VPS26C: variants seen among roughly 807,000 people sequenced by gnomAD.
The protein encoded by VPS26C is vacuolar protein sorting-associated protein 26C.
Under a neutral mutation model 30.6 loss-of-function variants are expected in VPS26C, and 19 were observed. That is an observed-to-expected ratio of 0.62 (90% confidence interval 0.43 to 0.91). The LOEUF is 0.91. Ranked by LOEUF, VPS26C falls within the 40% of genes least tolerant of loss-of-function variation. The probability of loss-of-function intolerance (pLI) is 0.00; values close to 1 mark genes in which losing one functional copy is unlikely to be tolerated. For missense variants in VPS26C, 318 were observed against 385.1 expected (o/e 0.83, Z 1.46); for synonymous variants, 132 against 151.5 (o/e 0.87, Z 0.95).
At chr21:37,254,688 G>A (rs1195992428) in intron 1 of VPS26C, among the ~76,000 whole-genome samples, 3 of 152,098 alleles carry the variant, frequency 2.0e-5, no homozygotes, top group South Asian at 2.1e-4. Flanking sequence ...GCGGGCACCT[G>A]TAATCCCAGC....
At chr21:37,227,907 G>A in intron 6 of VPS26C, 101 bp from the exon 7 acceptor site, 4 of 1,482,190 alleles carry the variant, frequency 2.7e-6, no homozygotes, top group Non-Finnish European at 3.7e-6. Flanking sequence ...GAATCCTCCA[G>A]GGTCCCCTCC....
At chr21:37,264,406 G>A (rs147033185) in intron 1 of VPS26C, among the ~76,000 whole-genome samples, 1 of 152,324 alleles carries the variant, frequency 6.6e-6, no homozygotes, top group East Asian at 1.9e-4. Context: ...GGTCCTGGCT[G>A]TGTATGACTT....
intron 1 of VPS26C, among the ~76,000 whole-genome samples, chr21:37,253,636 A>G (rs2086215372): frequency 6.6e-6 from 1 of 152,222 alleles, no homozygotes; most frequent in African/African-American, 2.4e-5. Context: ...AATTCTAATC[A>G]TGGTGTGTTG....
intron 1 of VPS26C, among the ~76,000 whole-genome samples, chr21:37,245,322 G>A (rs79999647): frequency 0.026 from 3,997 of 152,210 alleles, 66 homozygotes; most frequent in Non-Finnish European, 0.04. Flanking sequence ...AGGGGGACCC[G>A]CCCTCTCCTT....
At chr21:37,245,817 G>A (rs2086132992) in intron 1 of VPS26C, among the ~76,000 whole-genome samples, 1 of 152,106 alleles carries the variant, frequency 6.6e-6, no homozygotes, top group Non-Finnish European at 1.5e-5. Flanking sequence ...TATAAAGGAT[G>A]AACACAAAAC....
chr21:37,267,291 C>G lies in VPS26C; in HGVS notation c.4G>C (p.Gly2Arg), dbSNP rs754690709. The change falls in exon 1 of 8, where the codon GGG becomes CGG. Residue 2 changes from glycine to arginine, a missense_variant. Gly to Arg is a moderately radical substitution (Grantham distance 125). Transcript: ENST00000309117. Reference protein sequence around the residue: MGTALDIKIKRA... With the variant: MRTALDIKIKRA... ...TTAATCTTGATGTCCAGGGCGGTCC[C>G]CATCTCCAATTCTCCGCAGCAGCCG... 15 of 1,612,436 alleles carry G rather than the reference C, an allele frequency of 9.3e-6. No individual in the cohort carries two copies. The South Asian group carries it at 1.4e-4, about 15-fold the overall frequency.
intron 2 of VPS26C, 98 bp downstream of exon 2, chr21:37,240,398 T>C (rs1422375301): frequency 1.4e-6 from 2 of 1,392,852 alleles, no homozygotes; most frequent in South Asian, 1.3e-5. Flanking sequence ...TTACTGAGAT[T>C]ACAGGCCTGA....
intron 7 of VPS26C, 43 bp from the exon 8 acceptor site, chr21:37,225,669 A>G: frequency 6.5e-7 from 1 of 1,546,508 alleles, no homozygotes; most frequent in Non-Finnish European, 8.9e-7. Flanking sequence ...ACTGTTACCA[A>G]GCAGCGAAAC....
intron 1 of VPS26C, among the ~76,000 whole-genome samples, chr21:37,248,265 C>A (rs1381273960): frequency 7.1e-6 from 1 of 141,674 alleles, no homozygotes; most frequent in African/African-American, 2.7e-5. Context: ...ATGCTCTTTT[C>A]AGTGTCCATG....
intron 3 of VPS26C, among the ~76,000 whole-genome samples, chr21:37,238,025 C>T (rs186768492): frequency 6.6e-6 from 1 of 152,336 alleles, no homozygotes; most frequent in African/African-American, 2.4e-5. Flanking sequence ...TCCACTTCCC[C>T]TCATTGACAA....
At chr21:37,231,111 T>C (rs1190722081) in intron 5 of VPS26C, among the ~76,000 whole-genome samples, 3 of 152,162 alleles carry the variant, frequency 2.0e-5, no homozygotes, top group African/African-American at 7.2e-5. Flanking sequence ...GGGCTAAGGA[T>C]ACAGCCTCTA....
Position 37,240,639 on chromosome 21 carries a change from C to T in VPS26C, c.58G>A (p.Glu20Lys), listed in dbSNP as rs1224432865. The change falls in exon 2 of 8, where the codon GAA becomes AAA. Residue 20 changes from glutamate (E) to lysine (K), a missense_variant and splice_region_variant. Glu to Lys is a moderately conservative substitution (Grantham distance 56). Transcript: ENST00000309117. ...ATGACCACCACGCCAGAGAGCACTT[C>T]CTGGGAGAGAAAAGACAGCCACCAA... ...KRANKVYHAG[E>K]VLSGVVVISS... The T allele has an allele frequency of 1.9e-6, 3 of 1,610,760 alleles. No individual in the cohort carries two copies. The highest frequency in any genetic ancestry group is 1.7e-6 in the Non-Finnish European group (2 of 1,178,972).
rs915993454 is a variant in VPS26C at position 37,233,796 on chromosome 21, G to A, written c.352-354C>T. 3.9e-5 allele frequency among the ~76,000 whole-genome samples: 6 copies of A among 152,152 alleles called. No homozygotes were observed. Among genetic ancestry groups the A allele is most frequent in the Admixed American group, 2.0e-4 (3 of 15,284 alleles). ...AGGAGCAGACGCCAGGCCAGATCCC[G>A]TTGTTGTCTGCCTTACTGTGCGAGC... On this transcript the variant is annotated intron_variant, in intron 3 of 7. Coordinates refer to ENST00000309117, the MANE Select transcript of VPS26C (RefSeq NM_006052.2). The surrounding 1 kb of genome is among the most constrained non-coding windows in gnomAD (Gnocchi z 5.2).
At chr21:37,267,525 T>C (rs530957755), upstream of VPS26C, 7 of 573,946 alleles carry the variant, frequency 1.2e-5, no homozygotes, top group Admixed American at 2.0e-4. Context: ...GCTGTCACGG[T>C]TCACCCCGCC....
At chr21:37,231,160 T>C (rs2085958493) in intron 5 of VPS26C, among the ~76,000 whole-genome samples, 1 of 152,078 alleles carries the variant, frequency 6.6e-6, no homozygotes, top group Non-Finnish European at 1.5e-5. Context: ...TTTGTAAATG[T>C]AAACTGACAA....
In VPS26C at chr21:37,267,224, C is replaced by CCCCCCCCAA; in HGVS notation, c.57+13_57+14insTTGGGGGGG. 6.5e-7 allele frequency: 1 copy of CCCCCCCCAA among 1,541,554 alleles called. No individual in the cohort carries two copies. The highest frequency in any genetic ancestry group is 8.9e-7 in the Non-Finnish European group (1 of 1,118,032). ...CCAACCCCACCTCCATCCCCACCCC[C>CCCCCCCCAA]AGCCCCCACTTACCCCGGCGTGATA... On this transcript the variant is annotated intron_variant, in intron 1 of 7. Coordinates refer to ENST00000309117, the MANE Select transcript of VPS26C (RefSeq NM_006052.2).
At chr21:37,250,622 G>A (rs140799580) in intron 1 of VPS26C, among the ~76,000 whole-genome samples, 1,293 of 2,742 alleles carry the variant, frequency 0.47, 14 homozygotes, top group Middle Eastern at 0.5. Flanking sequence ...TCAATGAAAG[G>A]CTGGGCGCGG....
At chr21:37,243,188 T>C (rs1173974453) in intron 1 of VPS26C, among the ~76,000 whole-genome samples, 1 of 152,154 alleles carries the variant, frequency 6.6e-6, no homozygotes, top group African/African-American at 2.4e-5. Context: ...CCTCAGATTT[T>C]CGTCTAGACT....
chr21:37,247,543 A>G (rs976624115), intron 1 of VPS26C, among the ~76,000 whole-genome samples: 1 of 152,212 alleles, frequency 6.6e-6, no homozygotes, highest in Non-Finnish European at 1.5e-5. Context: ...AAGATGTTTC[A>G]AAAGCTACTT....
Sources: allele counts gnomAD v4.1 joint callset (sites outside exome capture counted in the v4.1 genomes callset), GRCh38; gene constraint gnomAD v4.1.1; non-coding constraint Gnocchi (gnomAD v3.1); transcripts MANE v1.5; gene names NCBI Gene and HGNC (gene_info 2026-07-23, HGNC 2026-07-21).